The following MEGF10 variants were observed in gnomAD, a reference collection of about 807,000 sequenced individuals.
MEGF10 encodes the protein multiple epidermal growth factor-like domains protein 10.
In MEGF10, 86 loss-of-function variants were observed where a neutral mutation model predicts 147.5. The ratio of observed to expected loss-of-function variants is 0.58; its 90% CI spans 0.49 to 0.70. The LOEUF is 0.70. MEGF10 is among the 30% of genes least tolerant of loss of function. MEGF10 has a pLI of 0.00. For synonymous variants in MEGF10, 478 were observed against 525.5 expected, an observed-to-expected ratio of 0.91 and a Z score of 1.24; for missense variants, 1,329 against 1,487.3, an observed-to-expected ratio of 0.89 and a Z score of 1.75.
rs150769286 is a variant in MEGF10 at position 127,300,697 on chromosome 5, ACT to A, written c.-19+9645_-19+9646del. 5.0e-3 allele frequency among the ~76,000 whole-genome samples: 761 copies of A among 152,276 alleles called. 11 individuals are homozygous for A. The highest frequency in any genetic ancestry group is 0.018 in the African/African-American group (730 of 41,562). On this transcript the variant is annotated intron_variant, in intron 1 of 24. Transcript: ENST00000503335. ...GATCTATCATGATGGGAAACTGGAAACTCTCACATAATTTGAATCCTGGTGCA... is the reference window on the plus strand; with the variant it reads ...GATCTATCATGATGGGAAACTGGAAACTCACATAATTTGAATCCTGGTGCA...
chr5:127,325,505 T>C (rs1205542966), intron 1 of MEGF10, among the ~76,000 whole-genome samples: 1 of 152,044 alleles, frequency 6.6e-6, no homozygotes. Flanking sequence ...ACACCACCTA[T>C]ATAATGACCG....
intron 1 of MEGF10, among the ~76,000 whole-genome samples, chr5:127,321,307 T>C (rs955888941): frequency 1.3e-5 from 2 of 152,132 alleles, no homozygotes; most frequent in African/African-American, 4.8e-5. Context: ...AAGAGCTCTT[T>C]GGATTCTGGA....
chr5:127,353,951 A>G (rs1762185205), intron 4 of MEGF10, among the ~76,000 whole-genome samples: 1 of 152,248 alleles, frequency 6.6e-6, no homozygotes, highest in African/African-American at 2.4e-5. Context: ...GCACTGGTTA[A>G]GAGAACTTTG....
the MEGF10 span, among the ~76,000 whole-genome samples, chr5:127,238,731 G>A: frequency 5.7e-4 from 86 of 152,186 alleles, no homozygotes; most frequent in Admixed American, 2.0e-3. Flanking sequence ...TCCCCCATCC[G>A]TGTCTATTTA....
At chr5:127,288,131 T>C (rs1580663634), upstream of MEGF10, among the ~76,000 whole-genome samples, 3 of 152,112 alleles carry the variant, frequency 2.0e-5, 1 homozygote, top group South Asian at 6.2e-4. Context: ...ATATAACAGC[T>C]AAAACTATAA....
chr5:127,293,999 C>T (rs577255909), intron 1 of MEGF10, among the ~76,000 whole-genome samples: 1 of 152,074 alleles, frequency 6.6e-6, no homozygotes, highest in East Asian at 1.9e-4. Context: ...CTCAAGAATA[C>T]GCTGTGCACT....
In MEGF10 at chr5:127,438,479, G is replaced by T. The variant is rs200994008; in HGVS notation, c.2145G>T (p.Thr715=). 8 of 1,614,112 alleles carry T rather than the reference G, an allele frequency of 5.0e-6. No homozygotes were observed. The highest frequency in any genetic ancestry group is 5.9e-6 in the Non-Finnish European group (7 of 1,180,010). Reference sequence around the variant, plus strand: ...ACTGGGGCCCAAACTGCATCCACACGTGCAACTGCCATAATGGAGCTTTCT... The same window carrying T: ...ACTGGGGCCCAAACTGCATCCACACTTGCAACTGCCATAATGGAGCTTTCT... ...PAHWGPNCIH[T]CNCHNGAFCS... The change falls in exon 17 of 25, where the codon ACG becomes ACT. Residue 715 remains threonine, a synonymous_variant. Transcript: ENST00000503335.
At chr5:127,296,906 G>A (rs1397004820) in intron 1 of MEGF10, among the ~76,000 whole-genome samples, 2 of 152,086 alleles carry the variant, frequency 1.3e-5, no homozygotes, top group Non-Finnish European at 2.9e-5. Context: ...ATGTGACTTG[G>A]TTCTTTAAAA....
At chr5:127,440,209 A>G (rs948029516) in intron 17 of MEGF10, among the ~76,000 whole-genome samples, 1 of 152,192 alleles carries the variant, frequency 6.6e-6, no homozygotes, top group African/African-American at 2.4e-5. Flanking sequence ...GTGAAGTACA[A>G]TTGTTTTTTA....
At chr5:127,293,118 G>A (rs554983068) in intron 1 of MEGF10, among the ~76,000 whole-genome samples, 160 of 152,256 alleles carry the variant, frequency 1.1e-3, no homozygotes, top group African/African-American at 3.8e-3. Flanking sequence ...TTGAGAGGTG[G>A]GGAAAGAGTA....
chr5:127,455,746 T>C, intron 24 of MEGF10, 139 bp downstream of exon 24: 1 of 703,966 alleles, frequency 1.4e-6, no homozygotes, highest in Non-Finnish European at 2.2e-6. Context: ...TTTTATTTTA[T>C]TTTATGTATT....
intron 4 of MEGF10, among the ~76,000 whole-genome samples, chr5:127,353,635 C>A (rs550367172): frequency 2.3e-4 from 35 of 152,328 alleles, no homozygotes; most frequent in Non-Finnish European, 4.3e-4. Context: ...TTCTCCAGTC[C>A]AGCTCCCATT....
intron 1 of MEGF10, among the ~76,000 whole-genome samples, chr5:127,322,040 G>A (rs1425385053): frequency 6.7e-6 from 1 of 149,782 alleles, no homozygotes; most frequent in Non-Finnish European, 1.5e-5. Flanking sequence ...TGGTCAAAGT[G>A]GAAATCTTTC....
intron 1 of MEGF10, among the ~76,000 whole-genome samples, chr5:127,309,014 C>T (rs960582025): frequency 6.6e-6 from 1 of 152,034 alleles, no homozygotes; most frequent in African/African-American, 2.4e-5. Flanking sequence ...GGGACACTGG[C>T]CCAAGGAGAA....
chr5:127,274,668 G>A, the MEGF10 span, among the ~76,000 whole-genome samples: 920 of 152,054 alleles, frequency 6.1e-3, 7 homozygotes, highest in African/African-American at 0.021. Context: ...CTTAGAAAAT[G>A]TTTTCTCAAG....
chr5:127,253,003 C>A, the MEGF10 span, among the ~76,000 whole-genome samples: 1 of 151,826 alleles, frequency 6.6e-6, no homozygotes, highest in Admixed American at 6.6e-5. Context: ...GATAACACAA[C>A]ACTACAATTC....
chr5:127,352,361 T>G (rs1222756104), intron 4 of MEGF10, among the ~76,000 whole-genome samples: 1 of 152,208 alleles, frequency 6.6e-6, no homozygotes, highest in Non-Finnish European at 1.5e-5. Context: ...TGCTGTTCAC[T>G]TTAAAAACTT....
intron 5 of MEGF10, among the ~76,000 whole-genome samples, chr5:127,394,620 T>C (rs914114938): frequency 6.6e-6 from 1 of 152,098 alleles, no homozygotes; most frequent in South Asian, 2.1e-4. Flanking sequence ...TTCTTAAAGA[T>C]TTTTTTCTTT....
chr5:127,440,695 C>T, intron 17 of MEGF10, 44 bp from the exon 18 acceptor site: 1 of 1,605,338 alleles, frequency 6.2e-7, no homozygotes, highest in Non-Finnish European at 8.5e-7. Flanking sequence ...AAGTGTTTCT[C>T]TTCAGCAGCC....
Sources: allele counts gnomAD v4.1 joint callset (sites outside exome capture counted in the v4.1 genomes callset), GRCh38; gene constraint gnomAD v4.1.1; transcripts MANE v1.5; gene names NCBI Gene and HGNC (gene_info 2026-07-23, HGNC 2026-07-21).